SNX6: variants seen among roughly 807,000 people sequenced by gnomAD.
SNX6 encodes sorting nexin 6, also known as sorting nexin-6.
In SNX6, 34 loss-of-function variants were observed where a neutral mutation model predicts 63.0. The ratio of observed to expected loss-of-function variants is 0.54; its 90% CI spans 0.41 to 0.72. The LOEUF (loss-of-function observed/expected upper bound fraction) is 0.72. Ranked by LOEUF, SNX6 falls within the 30% of genes least tolerant of loss-of-function variation. The pLI is 0.00. For missense variants in SNX6, 398 were observed against 471.4 expected (o/e 0.84, Z 1.44); for synonymous variants, 170 against 164.2 (o/e 1.04, Z -0.27).
At chr14:34,600,612 A>G (rs144290917) in intron 6 of SNX6, among the ~76,000 whole-genome samples, 55 of 152,212 alleles carry the variant, frequency 3.6e-4, no homozygotes, top group African/African-American at 1.1e-3. Flanking sequence ...CCTGTACATG[A>G]GCACTATGCT....
intron 7 of SNX6, among the ~76,000 whole-genome samples, chr14:34,595,053 C>T (rs1017529945): frequency 2.6e-5 from 4 of 152,082 alleles, no homozygotes; most frequent in Non-Finnish European, 5.9e-5. Flanking sequence ...GATTGGGGCA[C>T]TGCACAGCAG....
At chr14:34,590,669 G>A (rs764323847) in intron 8 of SNX6, among the ~76,000 whole-genome samples, 10 of 151,966 alleles carry the variant, frequency 6.6e-5, no homozygotes, top group Admixed American at 6.6e-5. Context: ...ATGCAAAATG[G>A]TACAACCATT....
chr14:34,617,703 C>T (rs935301803), intron 2 of SNX6, among the ~76,000 whole-genome samples: 4 of 151,192 alleles, frequency 2.6e-5, no homozygotes, highest in African/African-American at 9.7e-5. Flanking sequence ...AGGCGGATCA[C>T]GAGGTCAGGG....
At position 34,568,018 on chromosome 14, in the gene SNX6, A is replaced by G; in HGVS notation, c.922-5T>C. ...AGACCTTCGATACAGGAGATCCTAT[A>G]AAACAGAATGCTTCACAATAGTATA... On this transcript the variant is annotated splice_polypyrimidine_tract_variant and splice_region_variant and intron_variant, in intron 11 of 13. Transcript: ENST00000362031. The G allele has an allele frequency of 3.7e-6, 6 of 1,609,764 alleles. No individual in the cohort carries two copies. Among genetic ancestry groups the G allele is most frequent in the Non-Finnish European group, 5.1e-6 (6 of 1,179,230 alleles).
chr14:34,574,508 G>C (rs1160809062), intron 11 of SNX6, among the ~76,000 whole-genome samples: 1 of 151,266 alleles, frequency 6.6e-6, no homozygotes. Flanking sequence ...AAACTAGCTG[G>C]GTGTGGTGGC....
chr14:34,625,895 A>G (rs748019798), intron 2 of SNX6, among the ~76,000 whole-genome samples: 17 of 152,060 alleles, frequency 1.1e-4, no homozygotes, highest in Non-Finnish European at 2.2e-4. Context: ...TTGATTTTCA[A>G]ATGCACCAGG....
At position 34,573,021 on chromosome 14, in the gene SNX6, G is replaced by T. The variant is rs1881520616; in HGVS notation, c.921+2735C>A. ...TTAAAAGACAAGGTCTTACTCTGTT[G>T]TCCAGGCAACAGTATACAGTGGCAA... On this transcript the variant is annotated intron_variant, in intron 11 of 13. Coordinates refer to ENST00000362031, the MANE Select transcript of SNX6 (RefSeq NM_152233.4). Among the ~76,000 whole-genome samples, 3 of 151,884 alleles carry T rather than the reference G, an allele frequency of 2.0e-5. No homozygotes were observed. The South Asian group carries it at 6.2e-4, about 32-fold the overall frequency.
chr14:34,630,126 G>A lies in SNX6; in HGVS notation c.-10C>T, dbSNP rs756508092. The A allele has an allele frequency of 8.2e-6, 11 of 1,347,128 alleles. No homozygotes were observed. The highest frequency in any genetic ancestry group is 4.6e-5 in the African/African-American group (3 of 64,956). 83.4% of individuals were successfully genotyped at this position (1,347,128 alleles called of 1,614,324 possible). On this transcript the variant is annotated 5_prime_UTR_variant, in exon 1 of 14. Coordinates refer to ENST00000362031, the MANE Select transcript of SNX6 (RefSeq NM_152233.4). The stretch of plus-strand genomic sequence containing the variant: ...GAACACCCACCATCATGGCTGCTCC[G>A]AGGCGAGGGCCGGCGCAGGCGCGCA...
intron 2 of SNX6, among the ~76,000 whole-genome samples, chr14:34,621,949 TC>T: frequency 1.4e-5 from 2 of 144,992 alleles, no homozygotes; most frequent in Non-Finnish European, 1.5e-5. Context: ...GGCATGTCTT[TC>T]CTTTTTTTTT....
chr14:34,624,208 T>C lies in SNX6; in HGVS notation c.54+5699A>G, dbSNP rs904348386. Among the ~76,000 whole-genome samples, 8 of 152,184 alleles carry C rather than the reference T, an allele frequency of 5.3e-5. No homozygotes were observed. The East Asian group carries it at 5.8e-4, about 11-fold the overall frequency. ...CTCTGCCTCCTGGGTTCAAGTGATT[T>C]TCCTGCCTCAGCCTCCCAAGTAGCT... is the stretch of plus-strand genomic sequence containing the variant. On this transcript the variant is annotated intron_variant, in intron 2 of 13. Transcript: ENST00000362031.
chr14:34,595,216 C>T (rs1045011808), intron 7 of SNX6, among the ~76,000 whole-genome samples: 2 of 152,190 alleles, frequency 1.3e-5, no homozygotes, highest in Non-Finnish European at 2.9e-5. Context: ...CTCACTGCAA[C>T]CTCTGCCTCC....
At chr14:34,581,742 CATTT>C (rs1490233975) in intron 9 of SNX6, 142 bp from the exon 10 acceptor site, 12 of 478,776 alleles carry the variant, frequency 2.5e-5, no homozygotes, top group Non-Finnish European at 4.3e-5. Flanking sequence ...CTGCAGACTT[CATTT>C]AGTTTGACAA....
At chr14:34,574,416 A>G (rs1479834157) in intron 11 of SNX6, among the ~76,000 whole-genome samples, 27 of 150,558 alleles carry the variant, frequency 1.8e-4, no homozygotes, top group Admixed American at 1.7e-3. Context: ...TTGGGAGGCC[A>G]AGGCATGCAG....
chr14:34,580,690 C>A (rs61316540), intron 10 of SNX6, among the ~76,000 whole-genome samples: 56,553 of 149,874 alleles, frequency 0.38, 12,398 homozygotes, highest in East Asian at 0.73. Flanking sequence ...GACAGGGTCT[C>A]ACTCTGTCAC....
chr14:34,626,411 T>C (rs1238917611), intron 2 of SNX6, among the ~76,000 whole-genome samples: 2 of 151,634 alleles, frequency 1.3e-5, no homozygotes, highest in Non-Finnish European at 2.9e-5. Flanking sequence ...TTCCAGCACT[T>C]TGGGAGGCCG....
chr14:34,629,331 T>G (rs1372491658), intron 2 of SNX6: 2 of 348,420 alleles, frequency 5.7e-6, no homozygotes, highest in African/African-American at 2.2e-5. Flanking sequence ...AAGACAGGAT[T>G]TGTTGGATAT....
At chr14:34,587,374 T>C (rs1226032492) in intron 8 of SNX6, among the ~76,000 whole-genome samples, 1 of 151,150 alleles carries the variant, frequency 6.6e-6, no homozygotes, top group East Asian at 2.0e-4. Context: ...CTACTAAAAA[T>C]ACAAAAGAAT....
chr14:34,616,178 T>C (rs1411937758), intron 2 of SNX6, among the ~76,000 whole-genome samples: 2 of 151,448 alleles, frequency 1.3e-5, no homozygotes, highest in Non-Finnish European at 2.9e-5. Flanking sequence ...ATGGTCTTGA[T>C]CCCCTGACCT....
intron 2 of SNX6, among the ~76,000 whole-genome samples, chr14:34,616,596 G>A (rs1382867527): frequency 6.6e-6 from 1 of 152,092 alleles, no homozygotes; most frequent in Non-Finnish European, 1.5e-5. Context: ...GGGTTCAAGT[G>A]ATCCACCTCC....
Sources: gnomAD v4.1 joint callset for allele counts (sites outside exome capture counted in the v4.1 genomes callset) on GRCh38, gnomAD v4.1.1 for gene constraint, MANE v1.5 for transcripts, NCBI Gene and HGNC (gene_info 2026-07-23, HGNC 2026-07-21) for gene names.